Variants in BMPR1B observed in about 807,000 individuals in gnomAD.
BMPR1B encodes the protein bone morphogenetic protein receptor type 1B.
BMPR1B carries 12 observed loss-of-function variants against 59.1 expected under a neutral mutation model. The ratio of observed to expected loss-of-function variants is 0.20; its 90% CI spans 0.13 to 0.33. BMPR1B has a LOEUF of 0.33. BMPR1B is among the 10% of genes least tolerant of loss of function. BMPR1B has a pLI of 1.00. For synonymous variants in BMPR1B, 237 were observed against 207.3 expected (o/e 1.14, Z -1.23); for missense variants, 550 against 610.9 (o/e 0.90, Z 1.05).
chr4:94,925,583 G>A (rs1457073155), intron 2 of BMPR1B, among the ~76,000 whole-genome samples: 1 of 152,094 alleles, frequency 6.6e-6, no homozygotes, highest in Non-Finnish European at 1.5e-5. Flanking sequence ...ATGAGCCCAA[G>A]TCTTTCACCC....
chr4:94,839,083 T>G (rs199539178), intron 1 of BMPR1B, among the ~76,000 whole-genome samples: 50,005 of 105,590 alleles, frequency 0.47, 12,673 homozygotes, highest in African/African-American at 0.67. Context: ...AGTGAGATTC[T>G]TAATCCTGAG....
chr4:94,979,156 G>A (rs4699826), intron 2 of BMPR1B, among the ~76,000 whole-genome samples: 145,039 of 152,040 alleles, frequency 0.95, 69,217 homozygotes, highest in Middle Eastern at 0.99. Context: ...ATGACACGTG[G>A]GGATTATGAG....
Position 95,022,037 on chromosome 4 carries a change from A to G in BMPR1B, c.-18+25903A>G, listed in dbSNP as rs552976265. On this transcript the variant is annotated intron_variant, in intron 3 of 12. Coordinates refer to ENST00000515059, the MANE Select transcript of BMPR1B (RefSeq NM_001203.3). Reference sequence around the variant, plus strand: ...TTGTTTACAATTTCTTTTTTGGGAGAGAAGAAATAGGACGGGCGCAGTGGC... The same window carrying G: ...TTGTTTACAATTTCTTTTTTGGGAGGGAAGAAATAGGACGGGCGCAGTGGC... 1.7e-3 allele frequency among the ~76,000 whole-genome samples: 254 copies of G among 152,262 alleles called. 1 individual carries two copies. The highest frequency in any genetic ancestry group is 6.0e-3 in the African/African-American group (248 of 41,546).
intron 3 of BMPR1B, among the ~76,000 whole-genome samples, chr4:95,096,052 T>A (rs1426685631): frequency 6.6e-6 from 1 of 150,628 alleles, no homozygotes; most frequent in Admixed American, 6.6e-5. Context: ...CTGCATTTTG[T>A]TTTTTCTGCA....
intron 1 of BMPR1B, among the ~76,000 whole-genome samples, chr4:94,761,978 G>A (rs910601638): frequency 2.6e-5 from 4 of 152,210 alleles, no homozygotes; most frequent in African/African-American, 9.6e-5. Flanking sequence ...AACTTTTTAG[G>A]CATAGAGTAC....
intron 10 of BMPR1B, among the ~76,000 whole-genome samples, chr4:95,137,321 A>G (rs1173629915): frequency 6.6e-6 from 1 of 152,214 alleles, no homozygotes; most frequent in Non-Finnish European, 1.5e-5. Context: ...AGAGTGCTTT[A>G]CTTCCAACTA....
intron 4 of BMPR1B, among the ~76,000 whole-genome samples, chr4:95,113,006 T>C (rs1233341841): frequency 6.6e-6 from 1 of 152,096 alleles, no homozygotes; most frequent in Non-Finnish European, 1.5e-5. Context: ...CCGGTAATTT[T>C]TGAATTTTGA....
At chr4:94,998,678 C>T (rs1034358057) in intron 3 of BMPR1B, among the ~76,000 whole-genome samples, 1 of 152,004 alleles carries the variant, frequency 6.6e-6, no homozygotes, top group African/African-American at 2.4e-5. Context: ...CAGCCTGCTG[C>T]ATTACTTTTA....
chr4:94,864,760 G>C (rs918751350), intron 1 of BMPR1B, among the ~76,000 whole-genome samples: 1 of 152,034 alleles, frequency 6.6e-6, no homozygotes, highest in African/African-American at 2.4e-5. Context: ...ATATTGCTTA[G>C]GGAATAATGA....
chr4:94,908,777 A>G (rs1198496843), intron 2 of BMPR1B, among the ~76,000 whole-genome samples: 1 of 152,028 alleles, frequency 6.6e-6, no homozygotes, highest in Non-Finnish European at 1.5e-5. Context: ...TCTTCTCTTT[A>G]AAAACATTAT....
intron 1 of BMPR1B, among the ~76,000 whole-genome samples, chr4:94,825,082 A>C (rs1322944231): frequency 6.6e-6 from 1 of 152,190 alleles, no homozygotes; most frequent in Non-Finnish European, 1.5e-5. Context: ...ACAGACTAGA[A>C]GCTCAATAAT....
In BMPR1B at chr4:94,937,281, TG is replaced by T. The variant is rs368549536; in HGVS notation, c.-112-58758del. On this transcript the variant is annotated intron_variant, in intron 2 of 12. Coordinates refer to ENST00000515059, the MANE Select transcript of BMPR1B (RefSeq NM_001203.3). The stretch of plus-strand genomic sequence containing the variant: ...AATGACCTGTATCTTTTTTCTGTGA[TG>T]TTTTCCCTGGCAGAGTTAGGCACTT... Among the ~76,000 whole-genome samples the T allele has an allele frequency of 3.9e-3, 598 of 152,336 alleles. 2 individuals carry two copies. The highest frequency in any genetic ancestry group is 0.014 in the African/African-American group (568 of 41,572).
At chr4:94,875,059 A>T (rs1353878894) in intron 1 of BMPR1B, among the ~76,000 whole-genome samples, 1 of 152,156 alleles carries the variant, frequency 6.6e-6, no homozygotes, top group East Asian at 1.9e-4. Context: ...ACTAAGTAAC[A>T]TCCCCAAACT....
chr4:95,020,450 A>C (rs906218060), intron 3 of BMPR1B, among the ~76,000 whole-genome samples: 2 of 152,048 alleles, frequency 1.3e-5, no homozygotes, highest in African/African-American at 2.4e-5. Context: ...GTGGTGGTAC[A>C]TGCCTGTAGT....
chr4:94,764,729 T>G (rs1335916065), intron 1 of BMPR1B, among the ~76,000 whole-genome samples: 1 of 152,188 alleles, frequency 6.6e-6, no homozygotes, highest in Non-Finnish European at 1.5e-5. Context: ...TCAATCAGTT[T>G]ATTGGAACAT....
chr4:94,787,395 C>T (rs1463195899), intron 1 of BMPR1B, among the ~76,000 whole-genome samples: 1 of 152,120 alleles, frequency 6.6e-6, no homozygotes, highest in Admixed American at 6.6e-5. Flanking sequence ...CTCCGGTTCT[C>T]CCCTGAAGCA....
chr4:95,113,582 G>A (rs1476797451), intron 4 of BMPR1B, among the ~76,000 whole-genome samples: 2 of 152,058 alleles, frequency 1.3e-5, no homozygotes, highest in African/African-American at 4.8e-5. Context: ...TATGAGAAAA[G>A]GATAGAGATA....
At chr4:95,084,301 A>T (rs537170100) in intron 3 of BMPR1B, among the ~76,000 whole-genome samples, 1 of 151,630 alleles carries the variant, frequency 6.6e-6, no homozygotes, top group African/African-American at 2.4e-5. Context: ...ACATATCTTT[A>T]TAAATTTATA....
intron 2 of BMPR1B, among the ~76,000 whole-genome samples, chr4:94,905,560 A>C (rs1728004608): frequency 1.3e-5 from 2 of 152,034 alleles, no homozygotes; most frequent in Non-Finnish European, 2.9e-5. Flanking sequence ...CAGATCTTAC[A>C]TTTACATAAT....
Sources: allele counts gnomAD v4.1 joint callset (sites outside exome capture counted in the v4.1 genomes callset), GRCh38; gene constraint gnomAD v4.1.1; transcripts MANE v1.5; gene names NCBI Gene and HGNC (gene_info 2026-07-23, HGNC 2026-07-21).